IL17RB: variants seen among roughly 807,000 people sequenced by gnomAD.
IL17RB encodes interleukin 17 receptor B, also known as interleukin-17 receptor B.
IL17RB carries 36 observed loss-of-function variants against 43.9 expected under a neutral mutation model. The ratio of observed to expected loss-of-function variants is 0.82; its 90% confidence interval spans 0.63 to 1.08. The LOEUF (loss-of-function observed/expected upper bound fraction) is 1.08, where lower values mean the gene tolerates loss of function less well. IL17RB is among the 50% of genes least tolerant of loss of function. The pLI is 0.00. For synonymous variants in IL17RB, 225 were observed against 225.4 expected (o/e 1.00, Z 0.02); for missense variants, 613 against 613.6 (o/e 1.00, Z 0.01).
At chr3:53,863,059 G>A (rs1460950594) in intron 10 of IL17RB, among the ~76,000 whole-genome samples, 1 of 152,046 alleles carries the variant, frequency 6.6e-6, no homozygotes, top group Non-Finnish European at 1.5e-5. Context: ...TCCATTTAAT[G>A]AATTAGTAAA....
At chr3:53,859,070 C>T (rs897313590) in intron 9 of IL17RB, 1 of 395,430 alleles carries the variant, frequency 2.5e-6, no homozygotes, top group African/African-American at 2.0e-5. Flanking sequence ...GAAAAAAATA[C>T]ACAGTGCAAA....
In IL17RB at chr3:53,860,298, T is replaced by C. The variant is rs934069425; in HGVS notation, c.946+70T>C. On this transcript the variant is annotated intron_variant, in intron 10 of 10. Transcript: ENST00000288167. ...ATTTTGAATTTTTTTTTAAAGAAGA[T>C]TCCTCTGGAGGCAATCACATGTTGG... is the stretch of plus-strand genomic sequence containing the variant. The C allele has an allele frequency of 3.1e-6, 4 of 1,299,588 alleles. No homozygotes were observed. In the Admixed American group the frequency reaches 7.6e-5, roughly 25 times the overall value. 80.5% of individuals were successfully genotyped at this position (1,299,588 alleles called of 1,614,324 possible).
chr3:53,847,403 C>T (rs1047181710), intron 1 of IL17RB, among the ~76,000 whole-genome samples: 1 of 151,234 alleles, frequency 6.6e-6, no homozygotes, highest in Non-Finnish European at 1.5e-5. Context: ...ACAATTTGAG[C>T]TTGGTAGCAT....
At position 53,857,646 on chromosome 3, in the gene IL17RB, G is replaced by T; in HGVS notation, c.703G>T (p.Val235Leu). ...CCAGAAGAAACAAACGCGAGCTTCAGTGGTGATTCCAGTGACTGGGGATAG... is the reference window on the plus strand; with the variant it reads ...CCAGAAGAAACAAACGCGAGCTTCATTGGTGATTCCAGTGACTGGGGATAG... ...PHQKKQTRASVVIPVTGDSEG... is the reference protein window; with the variant it reads ...PHQKKQTRASLVIPVTGDSEG... The change falls in exon 8 of 11, where the codon GTG (valine) becomes TTG (leucine). Residue 235 changes from valine to leucine, a missense_variant. Val to Leu is a conservative substitution (Grantham distance 32). Coordinates refer to ENST00000288167, the MANE Select transcript of IL17RB (RefSeq NM_018725.4). The T allele has an allele frequency of 6.2e-7, 1 of 1,614,198 alleles. No individual in the cohort carries two copies. The highest frequency in any genetic ancestry group is 1.6e-4 in the Middle Eastern group (1 of 6,062).
intron 6 of IL17RB, among the ~76,000 whole-genome samples, chr3:53,855,669 T>G (rs1370513421): frequency 6.6e-6 from 1 of 152,232 alleles, no homozygotes; most frequent in African/African-American, 2.4e-5. Flanking sequence ...TCTTCCTGAT[T>G]GATGGGAGTC....
chr3:53,860,295 A>C, intron 10 of IL17RB, 67 bp downstream of exon 10: 1 of 1,338,152 alleles, frequency 7.5e-7, no homozygotes, highest in South Asian at 1.2e-5. Flanking sequence ...TTTTTAAAGA[A>C]GATTCCTCTG....
At chr3:53,860,518 T>A in intron 10 of IL17RB, 2 of 256,438 alleles carry the variant, frequency 7.8e-6, no homozygotes, top group Non-Finnish European at 1.5e-5. Flanking sequence ...TGATAACAAA[T>A]TACACTTTAC....
chr3:53,854,785 T>C (rs1699271838), intron 5 of IL17RB, among the ~76,000 whole-genome samples: 1 of 152,220 alleles, frequency 6.6e-6, no homozygotes, highest in Non-Finnish European at 1.5e-5. Context: ...TTCATGTCCT[T>C]GAAGGGGCAG....
Position 53,865,381 on chromosome 3 carries a change from C to T in IL17RB, c.*73C>T. 1.6e-6 allele frequency: 2 copies of T among 1,212,258 alleles called. No homozygotes were observed. The highest frequency in any genetic ancestry group is 2.3e-6 in the Non-Finnish European group (2 of 877,446). The allele number at this position is 1,212,258 out of a possible 1,614,324, so 75.1% of individuals were successfully genotyped here. On this transcript the variant is annotated 3_prime_UTR_variant, in exon 11 of 11. Transcript: ENST00000288167. ...TTACAGGGAAAAAACGTGTGATGATCCTGAAGCTTACTATGCAGCCTACAA... is the reference window on the plus strand; with the variant it reads ...TTACAGGGAAAAAACGTGTGATGATTCTGAAGCTTACTATGCAGCCTACAA...
intron 10 of IL17RB, among the ~76,000 whole-genome samples, chr3:53,864,347 T>C (rs1699693996): frequency 6.6e-6 from 1 of 152,108 alleles, no homozygotes; most frequent in Non-Finnish European, 1.5e-5. Context: ...CCATCCTGGC[T>C]AACAGGGTGA....
intron 7 of IL17RB, 30 bp downstream of exon 7, chr3:53,857,016 G>A (rs200342637): frequency 1.2e-4 from 190 of 1,611,386 alleles, no homozygotes; most frequent in East Asian, 2.2e-4. Flanking sequence ...CCTTCACCTC[G>A]TCCTCCAGCT....
chr3:53,849,525 T>G, intron 2 of IL17RB, 130 bp from the exon 3 acceptor site: 1 of 707,922 alleles, frequency 1.4e-6, no homozygotes. Flanking sequence ...AAAACATTTT[T>G]TTAATTAAAA....
At position 53,852,075 on chromosome 3, in the gene IL17RB, G is replaced by A. The variant is rs1457962058; in HGVS notation, c.303G>A (p.Arg101=). The A allele has an allele frequency of 2.5e-6, 4 of 1,613,984 alleles. No homozygotes were observed. The highest frequency in any genetic ancestry group is 2.2e-5 in the East Asian group (1 of 44,888). ...ACTTCCAGTCCTACAGCTGTGTGAG[G>A]TGCAATTACACAGAGGCCTTCCAGA... ...KSNFQSYSCV[R]CNYTEAFQTQ... The change falls in exon 4 of 11, where the codon AGG becomes AGA. Residue 101 remains arginine (R), a synonymous_variant. Transcript: ENST00000288167.
chr3:53,861,516 T>G (rs1419648037), intron 10 of IL17RB: 2 of 152,190 alleles, frequency 1.3e-5, no homozygotes, highest in African/African-American at 4.8e-5. Flanking sequence ...GTATTGAAAA[T>G]GTAGCTTTTA....
chr3:53,853,821 T>C (rs1699240488), intron 5 of IL17RB, among the ~76,000 whole-genome samples: 1 of 152,232 alleles, frequency 6.6e-6, no homozygotes, highest in Admixed American at 6.5e-5. Flanking sequence ...GGTTTCCAAC[T>C]TTCTTGATGA....
At chr3:53,858,993 C>G (rs980076542) in intron 9 of IL17RB, 175 bp downstream of exon 9, 2 of 513,832 alleles carry the variant, frequency 3.9e-6, no homozygotes, top group African/African-American at 3.8e-5. Flanking sequence ...AACCTAGAAT[C>G]TGAGTAAGAA....
chr3:53,861,858 A>G (rs1213843906), intron 10 of IL17RB, among the ~76,000 whole-genome samples: 1 of 152,180 alleles, frequency 6.6e-6, no homozygotes, highest in Non-Finnish European at 1.5e-5. Context: ...AAAATGCTAC[A>G]AAGGACATTG....
chr3:53,852,562 T>C (rs749263689), intron 4 of IL17RB, among the ~76,000 whole-genome samples: 17 of 152,344 alleles, frequency 1.1e-4, no homozygotes, highest in Middle Eastern at 3.4e-3. Context: ...CAAGATCCCT[T>C]GGTTCAAATC....
intron 10 of IL17RB, 193 bp downstream of exon 10, chr3:53,860,421 G>A (rs148285669): frequency 1.4e-5 from 6 of 423,624 alleles, no homozygotes; most frequent in African/African-American, 8.0e-5. Context: ...GGTGAAAGCA[G>A]GGTCAGGACT....
Sources: allele counts gnomAD v4.1 joint callset (sites outside exome capture counted in the v4.1 genomes callset), GRCh38; gene constraint gnomAD v4.1.1; transcripts MANE v1.5; gene names NCBI Gene and HGNC (gene_info 2026-07-23, HGNC 2026-07-21).